The following DYTN variants were observed in gnomAD, a reference collection of about 807,000 sequenced individuals.
The protein encoded by DYTN is dystrotelin.
In DYTN, 75 loss-of-function variants were observed where a neutral mutation model predicts 69.6. The observed-to-expected ratio is 1.08, with a 90% CI of 0.89 to 1.31. The LOEUF is 1.31. Among genes scored for constraint, DYTN ranks in the 50% most tolerant of loss-of-function variants. The pLI is 0.00. For synonymous variants in DYTN, 252 were observed against 249.1 expected (o/e 1.01, Z -0.11); for missense variants, 726 against 688.4 (o/e 1.05, Z -0.61).
rs369410820 is a variant in DYTN at position 206,707,461 on chromosome 2, C to T, written c.137G>A (p.Arg46His). Residue 46 changes from arginine to histidine, a missense_variant, in exon 3 of 12, where the codon CGT becomes CAT. By Grantham distance (29) the Arg-to-His change is conservative. Transcript: ENST00000452335. ...CTTGCGAGCTTCCCAGAAACTTGGACGCAGTAGGACCTGCTGAATCAGGGA... is the reference window on the plus strand; with the variant it reads ...CTTGCGAGCTTCCCAGAAACTTGGATGCAGTAGGACCTGCTGAATCAGGGA... ...DSSLIQQVLL[R>H]PSFWEARKHS... 338 of 1,612,114 alleles carry T rather than the reference C, an allele frequency of 2.1e-4. No homozygotes were observed. The highest frequency in any genetic ancestry group is 2.8e-4 in the Non-Finnish European group (330 of 1,179,310).
At chr2:206,715,294 C>T (rs1310721112) in intron 1 of DYTN, among the ~76,000 whole-genome samples, 2 of 152,134 alleles carry the variant, frequency 1.3e-5, no homozygotes, top group Non-Finnish European at 2.9e-5. Flanking sequence ...CCAGGATTTC[C>T]CAGCCTCCTT....
At chr2:206,658,984 C>CTTTT (rs35131832) in intron 11 of DYTN, among the ~76,000 whole-genome samples, 9 of 140,094 alleles carry the variant, frequency 6.4e-5, no homozygotes, top group South Asian at 2.2e-4. Flanking sequence ...AACAAGAGGA[C>CTTTT]TTTTTTTTTT....
In DYTN at chr2:206,693,312, C is replaced by T; in HGVS notation, c.843G>A (p.Met281Ile). 1 of 1,612,166 alleles carries T rather than the reference C, an allele frequency of 6.2e-7. No homozygotes were observed. The highest frequency in any genetic ancestry group is 8.5e-7 in the Non-Finnish European group (1 of 1,179,812). ...TCCTGAAGAGAAGTTTTGTATTCTGCATTGCTGACATCTGCTGAAAGGGCC... is the reference window on the plus strand; with the variant it reads ...TCCTGAAGAGAAGTTTTGTATTCTGTATTGCTGACATCTGCTGAAAGGGCC... The part of the protein sequence containing the change: ...VIEHCIQMSA[M>I]QNTKLLFRTL... Residue 281 changes from methionine (M) to isoleucine (I), a missense_variant, in exon 9 of 12, where the codon ATG (methionine) becomes ATA (isoleucine). Transcript: ENST00000452335.
intron 9 of DYTN, among the ~76,000 whole-genome samples, chr2:206,672,584 A>G (rs1468254887): frequency 2.0e-5 from 3 of 152,210 alleles, no homozygotes; most frequent in Non-Finnish European, 4.4e-5. Context: ...AGACAGGCCC[A>G]ATAAAACATC....
chr2:206,701,787 C>A (rs1699979971), intron 5 of DYTN, among the ~76,000 whole-genome samples: 4 of 152,220 alleles, frequency 2.6e-5, no homozygotes, highest in Admixed American at 2.6e-4. Flanking sequence ...TATCCTCAAA[C>A]CCCCCAACAC....
intron 9 of DYTN, among the ~76,000 whole-genome samples, chr2:206,690,926 C>T (rs1051338801): frequency 6.6e-6 from 1 of 151,918 alleles, no homozygotes; most frequent in African/African-American, 2.4e-5. Flanking sequence ...AGATGGTGGA[C>T]CAAAAGGACC....
chr2:206,666,101 T>C (rs961254039), intron 9 of DYTN, 72 bp from the exon 10 acceptor site: 95 of 1,532,092 alleles, frequency 6.2e-5, no homozygotes, highest in Non-Finnish European at 7.8e-5. Flanking sequence ...CCTGGTAAGA[T>C]GTATTCCGGT....
intron 3 of DYTN, among the ~76,000 whole-genome samples, chr2:206,706,615 T>A (rs1261141442): frequency 6.6e-6 from 1 of 152,178 alleles, no homozygotes; most frequent in Non-Finnish European, 1.5e-5. Flanking sequence ...CTTTACTTTT[T>A]TCGTCTACTT....
At chr2:206,704,722 G>T (rs1700008000) in intron 5 of DYTN, 121 bp downstream of exon 5, 3 of 795,526 alleles carry the variant, frequency 3.8e-6, no homozygotes, top group Admixed American at 2.5e-5. Context: ...CTATGGAGGA[G>T]AGAGCTTGCA....
chr2:206,712,825 C>T (rs1208668921), intron 1 of DYTN, among the ~76,000 whole-genome samples: 1 of 152,370 alleles, frequency 6.6e-6, no homozygotes. Flanking sequence ...TCGCCTTCCC[C>T]AGAGGTGGGT....
At chr2:206,674,197 C>G (rs1699657856) in intron 9 of DYTN, among the ~76,000 whole-genome samples, 1 of 146,148 alleles carries the variant, frequency 6.8e-6, no homozygotes, top group African/African-American at 2.6e-5. Context: ...TATTTAGAAA[C>G]AAAAATGATC....
At chr2:206,678,907 A>G (rs1161477353) in intron 9 of DYTN, 1 of 152,212 alleles carries the variant, frequency 6.6e-6, no homozygotes, top group Non-Finnish European at 1.5e-5. Flanking sequence ...TGGTCATATG[A>G]ACATCTTAAA....
intron 5 of DYTN, among the ~76,000 whole-genome samples, chr2:206,701,446 G>A (rs899052933): frequency 3.9e-5 from 6 of 152,100 alleles, no homozygotes; most frequent in African/African-American, 1.4e-4. Flanking sequence ...CAACAGAATA[G>A]TACTCAGCCT....
chr2:206,694,311 C>T (rs942101905), intron 8 of DYTN, among the ~76,000 whole-genome samples: 2 of 152,040 alleles, frequency 1.3e-5, no homozygotes, highest in African/African-American at 4.8e-5. Flanking sequence ...AATAATCTTT[C>T]TTTTTTCCTA....
At position 206,651,898 on chromosome 2, in the gene DYTN, C is replaced by T. The variant is rs1005706328; in HGVS notation, c.1657G>A (p.Asp553Asn). 1 of 1,613,224 alleles carries T rather than the reference C, an allele frequency of 6.2e-7. No individual in the cohort carries two copies. Among genetic ancestry groups the T allele is most frequent in the African/African-American group, 1.3e-5 (1 of 74,988 alleles). ...PSGPESSVNM[D>N]LYSGAQRVCR... is the part of the protein sequence containing the mutation. Reference sequence around the variant, plus strand: ...ACTCGCTGAGCTCCACTGTACAGGTCCATGTTTACTGAAGACTCCGGGCCT... The same window carrying T: ...ACTCGCTGAGCTCCACTGTACAGGTTCATGTTTACTGAAGACTCCGGGCCT... The change falls in exon 12 of 12, where the codon GAC becomes AAC. Residue 553 changes from aspartate (D) to asparagine (N), a missense_variant. Transcript: ENST00000452335.
At chr2:206,717,111 T>C (rs16838677) in intron 1 of DYTN, among the ~76,000 whole-genome samples, 14,426 of 149,668 alleles carry the variant, frequency 0.096, 1,561 homozygotes, top group East Asian at 0.54. Flanking sequence ...AACTACCAAA[T>C]GTATCACGCC....
At position 206,663,411 on chromosome 2, in the gene DYTN, T is replaced by A. The variant is rs768221055; in HGVS notation, c.1141-16A>T. 1.5e-5 allele frequency: 23 copies of A among 1,549,778 alleles called. 1 individual carries two copies. Among genetic ancestry groups the A allele is most frequent in the South Asian group, 6.2e-5 (5 of 80,616 alleles). On this transcript the variant is annotated splice_polypyrimidine_tract_variant and intron_variant, in intron 10 of 11. Coordinates refer to ENST00000452335, the MANE Select transcript of DYTN (RefSeq NM_001093730.1). The stretch of plus-strand genomic sequence containing the variant: ...GCAACCTTGCCTGGGGAAACAAAAC[T>A]TTATTTATGAAGAAATTAATGTTTA...
chr2:206,691,540 A>G (rs1699863053), intron 9 of DYTN, among the ~76,000 whole-genome samples: 1 of 152,214 alleles, frequency 6.6e-6, no homozygotes, highest in Admixed American at 6.5e-5. Flanking sequence ...AGTGAAAGGT[A>G]AAAATAGCTG....
chr2:206,652,177 C>G (rs1436355258), intron 11 of DYTN, among the ~76,000 whole-genome samples: 1 of 152,206 alleles, frequency 6.6e-6, no homozygotes, highest in Non-Finnish European at 1.5e-5. Flanking sequence ...AGAAAGCCCA[C>G]TATTGAGCAG....
Sources: allele counts gnomAD v4.1 joint callset (sites outside exome capture counted in the v4.1 genomes callset), GRCh38; gene constraint gnomAD v4.1.1; transcripts MANE v1.5; gene names NCBI Gene and HGNC (gene_info 2026-07-23, HGNC 2026-07-21).